Variants in TTC7B observed in about 807,000 individuals in gnomAD.
TTC7B encodes tetratricopeptide repeat domain 7B.
A neutral mutation model predicts 106.8 loss-of-function variants in TTC7B; 28 were observed. That is an observed-to-expected ratio of 0.26 (90% CI 0.19 to 0.36). The LOEUF is 0.36. Ranked by LOEUF, TTC7B falls within the 10% of genes least tolerant of loss-of-function variation. TTC7B has a pLI of 1.00. For synonymous variants in TTC7B, 405 were observed against 430.6 expected (o/e 0.94, Z 0.74); for missense variants, 862 against 1,076.4 (o/e 0.80, Z 2.79).
At chr14:90,612,709 G>C (rs1892924001) in intron 16 of TTC7B, among the ~76,000 whole-genome samples, 1 of 152,182 alleles carries the variant, frequency 6.6e-6, no homozygotes, top group African/African-American at 2.4e-5. Context: ...GTGTGAGGAT[G>C]ACATAAGGTC....
intron 3 of TTC7B, among the ~76,000 whole-genome samples, chr14:90,752,309 AG>A (rs1212796372): frequency 2.6e-5 from 4 of 152,114 alleles, no homozygotes; most frequent in African/African-American, 9.7e-5. Flanking sequence ...CTTGAGCCCA[AG>A]AGTTCGAGAC....
rs1434253298 is a variant in TTC7B, at chr14:90,802,254, G to A, written c.121+13921C>T. ...GGTTTGCTAGGGAAGGGTTTGCAGG[G>A]GGCTGGGCCAGTCCTTAGACAGCGA... On this transcript the variant is annotated intron_variant, in intron 1 of 19. Coordinates refer to ENST00000328459, the MANE Select transcript of TTC7B (RefSeq NM_001010854.2). The surrounding 1 kb of genome is among the most constrained non-coding windows in gnomAD (Gnocchi z 4.7). 1.3e-5 allele frequency among the ~76,000 whole-genome samples: 2 copies of A among 152,092 alleles called. No homozygotes were observed. Among genetic ancestry groups the A allele is most frequent in the African/African-American group, 4.8e-5 (2 of 41,422 alleles).
At chr14:90,592,816 T>C (rs1362885240) in intron 18 of TTC7B, among the ~76,000 whole-genome samples, 1 of 152,102 alleles carries the variant, frequency 6.6e-6, no homozygotes, top group African/African-American at 2.4e-5. Flanking sequence ...GGGGCACTCA[T>C]GCCCCCCTTC....
At chr14:90,766,815 T>C (rs1290098703) in intron 3 of TTC7B, 10 of 1,588,758 alleles carry the variant, frequency 6.3e-6, no homozygotes, top group South Asian at 2.2e-5. Context: ...ATGGAAAATA[T>C]AGCCAGGTCC....
chr14:90,720,527 C>G (rs1470243463), intron 5 of TTC7B, among the ~76,000 whole-genome samples: 1 of 152,178 alleles, frequency 6.6e-6, no homozygotes, highest in Non-Finnish European at 1.5e-5. Context: ...GGCAGTATCC[C>G]TCAGACCACA....
intron 1 of TTC7B, among the ~76,000 whole-genome samples, chr14:90,796,879 G>C (rs771653724): frequency 2.7e-5 from 4 of 148,734 alleles, no homozygotes; most frequent in Non-Finnish European, 4.5e-5. Context: ...AGACAGTCTC[G>C]CTCTGTCACC....
At chr14:90,610,694 C>G (rs775095289) in intron 17 of TTC7B, 48 bp downstream of exon 17, 1 of 1,380,758 alleles carries the variant, frequency 7.2e-7, no homozygotes, top group Non-Finnish European at 1.0e-6. Context: ...CCCAGGCCCC[C>G]ACATTCTCCA....
intron 6 of TTC7B, 114 bp downstream of exon 6, chr14:90,695,386 A>T (rs539850068): frequency 3.8e-4 from 168 of 441,224 alleles, no homozygotes; most frequent in African/African-American, 3.2e-3. Context: ...ACATATATTT[A>T]TAACACATAT....
intron 3 of TTC7B, among the ~76,000 whole-genome samples, chr14:90,764,323 G>A (rs1046465096): frequency 1.3e-5 from 2 of 151,922 alleles, no homozygotes; most frequent in African/African-American, 4.8e-5. Flanking sequence ...AAATGGATCA[G>A]ACACCTAAAT....
chr14:90,688,424 A>G (rs1046517645), intron 7 of TTC7B, among the ~76,000 whole-genome samples: 1 of 152,088 alleles, frequency 6.6e-6, no homozygotes, highest in South Asian at 2.1e-4. Flanking sequence ...GGAGATCGAG[A>G]CCATACTGGC....
Position 90,742,694 on chromosome 14 carries a change from A to C in TTC7B, c.576+2098T>G, listed in dbSNP as rs994348677. ...CAAAATCCAACATCTTATGATCACCATTTCCCCAAAATCAAAGAAAAGGAT... is the reference window on the plus strand; with the variant it reads ...CAAAATCCAACATCTTATGATCACCCTTTCCCCAAAATCAAAGAAAAGGAT... On this transcript the variant is annotated intron_variant, in intron 4 of 19. Transcript: ENST00000328459. This position sits in a 1 kb window ranked among gnomAD's most constrained non-coding sequence, Gnocchi z 4.1. Among the ~76,000 whole-genome samples the C allele has an allele frequency of 2.0e-5, 3 of 152,108 alleles. No homozygotes were observed. The highest frequency in any genetic ancestry group is 4.4e-5 in the Non-Finnish European group (3 of 68,008).
intron 2 of TTC7B, among the ~76,000 whole-genome samples, chr14:90,783,823 G>A (rs1034798954): frequency 2.6e-5 from 4 of 152,148 alleles, no homozygotes; most frequent in African/African-American, 7.2e-5. Context: ...TGTAGTCACA[G>A]CTACTCAGGA....
Position 90,533,483 on chromosome 14 carries a change from AGAAAGAAG to A in TTC7B, c.*7877_*7884del, listed in dbSNP as rs1462782925. On this transcript the variant is annotated 3_prime_UTR_variant, in exon 20 of 20. Transcript: ENST00000328459. ...CACTCACCCCTCGCCTGAGGATAGA[AGAAAGAAG>A]GAAAGACTTTATGGTGCACCCCGGG... The A allele has an allele frequency of 2.6e-5, 4 of 151,364 alleles. No homozygotes were observed. Among genetic ancestry groups the A allele is most frequent in the Non-Finnish European group, 4.4e-5 (3 of 68,280 alleles). 9.4% of individuals were successfully genotyped at this position (151,364 alleles called of 1,614,324 possible).
intron 19 of TTC7B, among the ~76,000 whole-genome samples, chr14:90,548,529 C>T (rs187385934): frequency 2.0e-5 from 3 of 152,302 alleles, no homozygotes; most frequent in Admixed American, 2.0e-4. Flanking sequence ...CTTTTGACAC[C>T]ATCTTGTGTG....
At chr14:90,601,884 G>A in intron 17 of TTC7B, 1 of 311,790 alleles carries the variant, frequency 3.2e-6, no homozygotes. Flanking sequence ...AGGAAATGAG[G>A]CCCAGGGCGA....
chr14:90,753,404 G>A (rs1890193058), intron 3 of TTC7B, among the ~76,000 whole-genome samples: 1 of 152,252 alleles, frequency 6.6e-6, no homozygotes, highest in East Asian at 1.9e-4. Context: ...CAATTTCCAA[G>A]GCTGAAAAGA....
chr14:90,701,174 C>T lies in TTC7B; in HGVS notation c.699-5596G>A, dbSNP rs75414206. On this transcript the variant is annotated intron_variant, in intron 5 of 19. Transcript: ENST00000328459. ...CGGAGGGTGTGACAGCCATCCACGC[C>T]GAGATGAGAACAAGCAGGCGAGGCT... 2.7e-3 allele frequency among the ~76,000 whole-genome samples: 406 copies of T among 152,202 alleles called. 8 individuals are homozygous for T. In the East Asian group the frequency reaches 0.057, roughly 21 times the overall value.
At chr14:90,585,335 C>T (rs577973328) in intron 18 of TTC7B, among the ~76,000 whole-genome samples, 1 of 152,352 alleles carries the variant, frequency 6.6e-6, no homozygotes, top group African/African-American at 2.4e-5. Context: ...CCCTTCCTGG[C>T]CTCAGCCCCG....
At position 90,764,805 on chromosome 14, in the gene TTC7B, T is replaced by TAACAACAAGTGTTG. The variant is rs1890620071; in HGVS notation, c.445+15919_445+15932dup. Among the ~76,000 whole-genome samples the TAACAACAAGTGTTG allele has an allele frequency of 2.6e-5, 4 of 152,122 alleles. No individual in the cohort carries two copies. The South Asian group carries it at 6.2e-4, about 24-fold the overall frequency. On this transcript the variant is annotated intron_variant, in intron 3 of 19. Transcript: ENST00000328459. ...GGATGGCTATAATCAAAAAGACAGATAACAACAAGTGTTGATGAGGATGTG... is the reference window on the plus strand; with the variant it reads ...GGATGGCTATAATCAAAAAGACAGATAACAACAAGTGTTGAACAACAAGTGTTGATGAGGATGTG...
Sources: allele counts gnomAD v4.1 joint callset (sites outside exome capture counted in the v4.1 genomes callset), GRCh38; gene constraint gnomAD v4.1.1; non-coding constraint Gnocchi (gnomAD v3.1); transcripts MANE v1.5; gene names NCBI Gene and HGNC (gene_info 2026-07-23, HGNC 2026-07-21).